The following MAGED2 variants were observed in gnomAD, a reference collection of about 807,000 sequenced individuals.
MAGED2 encodes the protein MAGE family member D2.
A neutral mutation model predicts 41.7 loss-of-function variants in MAGED2; 6 were observed. The observed-to-expected ratio is 0.14, with a 90% CI of 0.08 to 0.28. MAGED2 has a LOEUF of 0.28. Among genes scored for constraint, MAGED2 ranks in the 10% least tolerant of loss-of-function variants. The probability of loss-of-function intolerance (pLI) is 1.00; values close to 1 mark genes in which losing one functional copy is unlikely to be tolerated. For missense variants in MAGED2, 343 were observed against 486.4 expected (o/e 0.71, Z 2.77); for synonymous variants, 146 against 178.2 (o/e 0.82, Z 1.44).
In MAGED2 at chrX:54,809,716, T is replaced by C. The variant is rs1929737507; in HGVS notation, c.46-6T>C. On this transcript the variant is annotated splice_polypyrimidine_tract_variant and splice_region_variant and intron_variant, in intron 2 of 12. Coordinates refer to ENST00000375068, the MANE Select transcript of MAGED2 (RefSeq NM_177433.3). ...GGTCTATGAACTTCCCTGCTTCCTCTTGCAGGCTGAAGCTTCAGAAAAGGA... is the reference window on the plus strand; with the variant it reads ...GGTCTATGAACTTCCCTGCTTCCTCCTGCAGGCTGAAGCTTCAGAAAAGGA... 3 of 1,194,185 alleles carry C rather than the reference T, an allele frequency of 2.5e-6. No homozygotes were observed. Among genetic ancestry groups the C allele is most frequent in the Non-Finnish European group, 2.3e-6 (2 of 886,805 alleles).
chrX:54,811,914 G>A (rs1341888512), intron 6 of MAGED2, among the ~76,000 whole-genome samples: 1 of 111,785 alleles, frequency 8.9e-6, no homozygotes, highest in Non-Finnish European at 1.9e-5. Context: ...ATGTATTTGA[G>A]ATTTCACCTC....
chrX:54,811,578 G>A lies in MAGED2; in HGVS notation c.915G>A (p.Met305Ile), dbSNP rs1262854099. Reference sequence around the variant, plus strand: ...CACAACACTCTCCCCTTGCAGACATGCTGAAGGACATCATCAAAGAATACA... The same window carrying A: ...CACAACACTCTCCCCTTGCAGACATACTGAAGGACATCATCAAAGAATACA... ...QTKIPIKRSDMLKDIIKEYTD... is the reference protein window; with the variant it reads ...QTKIPIKRSDILKDIIKEYTD... The change falls in exon 6 of 13, where the codon ATG becomes ATA. Residue 305 changes from methionine (M) to isoleucine (I), a missense_variant. Physicochemically the swap from Met to Ile is conservative, Grantham distance 10 (BLOSUM62 1). Around this residue, in one of 3 missense-constraint regions of MAGED2, gnomAD observed 95 missense variants for 204.8 expected, o/e 0.46. Coordinates refer to ENST00000375068, the MANE Select transcript of MAGED2 (RefSeq NM_177433.3). 8.3e-7 allele frequency: 1 copy of A among 1,201,787 alleles called. No homozygotes were observed. The highest frequency in any genetic ancestry group is 1.1e-6 in the Non-Finnish European group (1 of 886,402).
chrX:54,808,838 G>A, intron 1 of MAGED2, among the ~76,000 whole-genome samples: 1 of 112,618 alleles, frequency 8.9e-6, no homozygotes, highest in Admixed American at 9.3e-5. Flanking sequence ...TTGGGGCAGA[G>A]TGCCAGACTG....
At position 54,815,333 on chromosome X, in the gene MAGED2, C is replaced by A; in HGVS notation, c.1472C>A (p.Ala491Asp). 8.3e-7 allele frequency: 1 copy of A among 1,203,298 alleles called. No individual in the cohort carries two copies. The highest frequency in any genetic ancestry group is 1.8e-5 in the South Asian group (1 of 55,729). ...ADLKAAAEAA[A>D]EAKARAEIRA... ...TTGAAGGCTGCAGCTGAGGCTGCAG[C>A]TGAAGCCAAGGCTAGGGCCGAGATT... is the stretch of plus-strand genomic sequence containing the variant. The change falls in exon 12 of 13, where the codon GCT becomes GAT. Residue 491 changes from alanine (A) to aspartate (D), a missense_variant. Around this residue, in one of 3 missense-constraint regions of MAGED2, gnomAD observed 95 missense variants for 204.8 expected, o/e 0.46. Coordinates refer to ENST00000375068, the MANE Select transcript of MAGED2 (RefSeq NM_177433.3).
At chrX:54,809,215 C>T in intron 1 of MAGED2, 88 bp from the exon 2 acceptor site, 1 of 668,489 alleles carries the variant, frequency 1.5e-6, no homozygotes, top group East Asian at 3.3e-5. Flanking sequence ...AATTGGGGAC[C>T]TACGGAAGGT....
chrX:54,809,978 G>A lies in MAGED2; in HGVS notation c.302G>A (p.Ser101Asn), dbSNP rs1173618032. Residue 101 changes from serine (S) to asparagine (N), a missense_variant, in exon 3 of 13, where the codon AGT (serine) becomes AAT (asparagine). Around this residue, in one of 3 missense-constraint regions of MAGED2, gnomAD observed 195 missense variants for 221.2 expected, o/e 0.88. Coordinates refer to ENST00000375068, the MANE Select transcript of MAGED2 (RefSeq NM_177433.3). ...CAGGTTCTGGCAGCTGAAAACAAGA[G>A]TCTAGCAGCTGACACCAAGAAACAG... ...DTQVLAAENKSLAADTKKQNA... is the reference protein window; with the variant it reads ...DTQVLAAENKNLAADTKKQNA... 8.3e-7 allele frequency: 1 copy of A among 1,205,446 alleles called. No individual in the cohort carries two copies. Among genetic ancestry groups the A allele is most frequent in the Non-Finnish European group, 1.1e-6 (1 of 891,995 alleles).
chrX:54,814,128 T>C (rs1406707320), intron 10 of MAGED2, among the ~76,000 whole-genome samples: 1 of 112,420 alleles, frequency 8.9e-6, no homozygotes, highest in Non-Finnish European at 1.9e-5. Flanking sequence ...ACAGCTGGTA[T>C]GGGCCTGGAG....
rs886341506 is a variant in MAGED2 at position 54,813,167 on chromosome X, T to C, written c.1208+7T>C. On this transcript the variant is annotated splice_region_variant and intron_variant, in intron 9 of 12. Transcript: ENST00000375068. Reference sequence around the variant, plus strand: ...AGTTGGGGCTGCGCCCTGGGTATGATTGGGCTCTCTCAGCGCTTGCTGTCC... The same window carrying C: ...AGTTGGGGCTGCGCCCTGGGTATGACTGGGCTCTCTCAGCGCTTGCTGTCC... 5 of 1,210,959 alleles carry C rather than the reference T, an allele frequency of 4.1e-6. No individual in the cohort carries two copies. The Middle Eastern group carries it at 8.8e-4, about 213-fold the overall frequency.
Position 54,813,580 on chromosome X carries a change from C to T in MAGED2, c.1271+30C>T, listed in dbSNP as rs763183. 0.37 allele frequency: 428,866 copies of T among 1,158,763 alleles called. 54,968 individuals are homozygous for T. The highest frequency in any genetic ancestry group is 0.64 in the East Asian group (21,266 of 33,477). On this transcript the variant is annotated intron_variant, in intron 10 of 12. Coordinates refer to ENST00000375068, the MANE Select transcript of MAGED2 (RefSeq NM_177433.3). ...GTATCTCTGTCTGGTGTTCATGTGTCCCATGCATTTGGCCTATTTCAGAAC... is the reference window on the plus strand; with the variant it reads ...GTATCTCTGTCTGGTGTTCATGTGTTCCATGCATTTGGCCTATTTCAGAAC...
chrX:54,809,676 T>C (rs1250299816), intron 2 of MAGED2, 46 bp from the exon 3 acceptor site: 1 of 1,171,546 alleles, frequency 8.5e-7, no homozygotes, highest in Non-Finnish European at 1.1e-6. Flanking sequence ...TTTGCTTAGT[T>C]GGGGGTGAGG....
intron 10 of MAGED2, among the ~76,000 whole-genome samples, chrX:54,813,988 C>G: frequency 8.9e-6 from 1 of 112,356 alleles, no homozygotes; most frequent in Non-Finnish European, 1.9e-5. Flanking sequence ...TTCAGGCAAC[C>G]AGGTACCATG....
rs959381203 is a variant in MAGED2 at position 54,811,210 on chromosome X, A to C, written c.847-40A>C. The C allele has an allele frequency of 3.3e-6, 4 of 1,202,699 alleles. No individual in the cohort carries two copies. The African/African-American group carries it at 5.3e-5, about 16-fold the overall frequency. ...TTTGCCATCGTCTCAAGTTTTCTGCAAACTTGTTTTGGTCTTTCCATCTTT... is the reference window on the plus strand; with the variant it reads ...TTTGCCATCGTCTCAAGTTTTCTGCCAACTTGTTTTGGTCTTTCCATCTTT... On this transcript the variant is annotated intron_variant, in intron 4 of 12. Transcript: ENST00000375068.
chrX:54,812,153 A>G lies in MAGED2; in HGVS notation c.991-4A>G. On this transcript the variant is annotated splice_region_variant and splice_polypyrimidine_tract_variant and intron_variant, in intron 6 of 12. Coordinates refer to ENST00000375068, the MANE Select transcript of MAGED2 (RefSeq NM_177433.3). ...ATCTCACAAGCTGTTCTCCCCATCC[A>G]CAGGTATTTGGGATTCAATTGAAGG... 8.8e-7 allele frequency: 1 copy of G among 1,136,534 alleles called. No individual in the cohort carries two copies. Among genetic ancestry groups the G allele is most frequent in the South Asian group, 1.8e-5 (1 of 55,006 alleles). The allele number at this position is 1,136,534 out of a possible 1,213,427, so 93.7% of individuals were successfully genotyped here.
At chrX:54,811,334 C>T in intron 5 of MAGED2, 21 bp downstream of exon 5, 1 of 1,194,029 alleles carries the variant, frequency 8.4e-7, no homozygotes. Context: ...ACCAATCCTC[C>T]CTCTGCCCTG....
At chrX:54,809,437 C>T in intron 2 of MAGED2, 61 bp downstream of exon 2, 1 of 1,078,106 alleles carries the variant, frequency 9.3e-7, no homozygotes, top group East Asian at 3.0e-5. Flanking sequence ...GTTGCTGCCC[C>T]CAAGTCCCTT....
chrX:54,808,553 G>T (rs1484738486), intron 1 of MAGED2: 1 of 113,247 alleles, frequency 8.8e-6, no homozygotes, highest in African/African-American at 3.2e-5. Context: ...GCTGGGAAGG[G>T]AGGGGACTGG....
chrX:54,808,841 C>G (rs1055627679), intron 1 of MAGED2, among the ~76,000 whole-genome samples: 5 of 112,374 alleles, frequency 4.4e-5, no homozygotes, highest in African/African-American at 1.6e-4. Flanking sequence ...GGGCAGAGTG[C>G]CAGACTGAGA....
intron 1 of MAGED2, among the ~76,000 whole-genome samples, chrX:54,808,657 GT>G (rs749993041): frequency 1.0e-3 from 110 of 110,123 alleles, no homozygotes; most frequent in South Asian, 4.7e-3. Flanking sequence ...AGATGCGCCT[GT>G]TTGGAGGGGG....
chrX:54,813,846 G>A (rs1238337621), intron 10 of MAGED2, among the ~76,000 whole-genome samples: 1 of 112,102 alleles, frequency 8.9e-6, no homozygotes, highest in Non-Finnish European at 1.9e-5. Flanking sequence ...AAGTCATTTG[G>A]TCAGGGTTAC....
Sources: allele counts gnomAD v4.1 joint callset (sites outside exome capture counted in the v4.1 genomes callset), GRCh38; gene constraint gnomAD v4.1.1; regional missense constraint gnomAD v4.1.1; transcripts MANE v1.5; gene names NCBI Gene and HGNC (gene_info 2026-07-23, HGNC 2026-07-21).